Variants in UBR1 observed in about 807,000 individuals in gnomAD.
UBR1 encodes the protein ubiquitin protein ligase E3 component n-recognin 1.
UBR1 carries 102 observed loss-of-function variants against 242.1 expected under a neutral mutation model. The observed-to-expected ratio is 0.42, with a 90% confidence interval of 0.36 to 0.50. The LOEUF (loss-of-function observed/expected upper bound fraction) is 0.50. Ranked by LOEUF, UBR1 falls within the 20% of genes least tolerant of loss-of-function variation. The pLI, the probability that UBR1 is intolerant of heterozygous loss-of-function variation, is 0.01. For missense variants in UBR1, 1,772 were observed against 2,101.8 expected (o/e 0.84, Z 3.07); for synonymous variants, 675 against 684.8 (o/e 0.99, Z 0.22).
intron 15 of UBR1, among the ~76,000 whole-genome samples, chr15:43,038,876 A>G (rs112544153): frequency 1.3e-5 from 2 of 152,158 alleles, no homozygotes; most frequent in Non-Finnish European, 2.9e-5. Flanking sequence ...ACTTTTAACA[A>G]AAATTTTTAT....
At chr15:42,966,123 TC>T in intron 41 of UBR1, 29 bp downstream of exon 41, 1 of 1,614,050 alleles carries the variant, frequency 6.2e-7, no homozygotes, top group Non-Finnish European at 8.5e-7. Context: ...TCTCCCATTT[TC>T]CACTCCATGA....
chr15:43,102,059 G>C (rs944916954), intron 1 of UBR1, among the ~76,000 whole-genome samples: 2 of 148,812 alleles, frequency 1.3e-5, no homozygotes, highest in African/African-American at 4.9e-5. Flanking sequence ...AGAATCACTT[G>C]AACTTGGGAC....
At chr15:43,093,678 C>A (rs2034128380) in intron 1 of UBR1, among the ~76,000 whole-genome samples, 1 of 150,854 alleles carries the variant, frequency 6.6e-6, no homozygotes, top group African/African-American at 2.4e-5. Context: ...GGTACTCAGG[C>A]TGGGTACCTG....
At chr15:43,045,304 A>T (rs936847772) in intron 14 of UBR1, among the ~76,000 whole-genome samples, 2 of 152,114 alleles carry the variant, frequency 1.3e-5, no homozygotes, top group Non-Finnish European at 2.9e-5. Flanking sequence ...TGCAAAAAAT[A>T]AAAAAATTAA....
At chr15:43,064,569 T>A (rs1465900755) in intron 6 of UBR1, among the ~76,000 whole-genome samples, 3 of 151,036 alleles carry the variant, frequency 2.0e-5, no homozygotes, top group Non-Finnish European at 4.4e-5. Flanking sequence ...CTATTTCCTA[T>A]CTTACATCTT....
At chr15:43,023,141 G>A (rs1219388004) in intron 25 of UBR1, among the ~76,000 whole-genome samples, 1 of 152,140 alleles carries the variant, frequency 6.6e-6, no homozygotes, top group African/African-American at 2.4e-5. Context: ...CCAAAGTGCT[G>A]CAATTACAGG....
chr15:43,093,293 C>T (rs959621043), intron 1 of UBR1, among the ~76,000 whole-genome samples: 1 of 152,202 alleles, frequency 6.6e-6, no homozygotes, highest in Non-Finnish European at 1.5e-5. Flanking sequence ...CTTCCTTAAA[C>T]AACTGCTAGA....
intron 40 of UBR1, 145 bp downstream of exon 40, chr15:42,970,375 T>C: frequency 1.2e-6 from 1 of 841,342 alleles, no homozygotes; most frequent in South Asian, 1.6e-5. Context: ...ATGTAAGACC[T>C]AAACCATAAA....
At chr15:43,070,248 TAAAAAAAAA>T (rs746635905) in intron 5 of UBR1, among the ~76,000 whole-genome samples, 2 of 25,234 alleles carry the variant, frequency 7.9e-5, no homozygotes, top group African/African-American at 3.0e-4. Flanking sequence ...GAGTTCTAGC[TAAAAAAAAA>T]AAAAAAAAAA....
intron 1 of UBR1, among the ~76,000 whole-genome samples, chr15:43,099,969 A>G (rs1168781242): frequency 6.6e-6 from 1 of 151,390 alleles, no homozygotes; most frequent in Non-Finnish European, 1.5e-5. Flanking sequence ...TCCGCCTCCC[A>G]GGTTCACGCC....
chr15:43,075,047 T>G lies in UBR1; in HGVS notation c.460A>C (p.Thr154Pro), dbSNP rs778630364. 8 of 1,614,160 alleles carry G rather than the reference T, an allele frequency of 5.0e-6. No homozygotes were observed. The highest frequency in any genetic ancestry group is 5.9e-6 in the Non-Finnish European group (7 of 1,180,006). The change falls in exon 4 of 47, where the codon ACA (threonine) becomes CCA (proline). Residue 154 changes from threonine to proline, a missense_variant. Physicochemically the swap from Thr to Pro is conservative, Grantham distance 38. This residue lies in a region of UBR1 where 734 missense variants were observed against 893.3 expected (regional missense o/e 0.82). Transcript: ENST00000290650. ...AAAGGGCCAGTTTTCCATGCCTCTG[T>G]GTCTCCACAGTCACAGAACCCTCCT... ...TGGGFCDCGD[T>P]EAWKTGPFCV...
intron 42 of UBR1, among the ~76,000 whole-genome samples, chr15:42,961,486 C>T (rs529953782): frequency 8.1e-5 from 12 of 149,008 alleles, no homozygotes; most frequent in Non-Finnish European, 1.3e-4. Context: ...TGCAATGGCG[C>T]GATCTTGGCT....
At chr15:43,050,734 A>AAG (rs2033544879) in intron 12 of UBR1, among the ~76,000 whole-genome samples, 1 of 151,900 alleles carries the variant, frequency 6.6e-6, no homozygotes, top group African/African-American at 2.4e-5. Flanking sequence ...AAAAAAAAAA[A>AAG]AAAAAAAGCG....
In UBR1 at chr15:43,002,705, C is replaced by A. The variant is rs766468986; in HGVS notation, c.3510-1G>T. On this transcript the variant is annotated splice_acceptor_variant, in intron 31 of 46. Coordinates refer to ENST00000290650, the MANE Select transcript of UBR1 (RefSeq NM_174916.3). LOFTEE classifies it high-confidence loss of function. The stretch of plus-strand genomic sequence containing the variant: ...GCTCAGCTGTACAGCTTCAAAATAC[C>A]TGCAAAATTACAAAGACACAGGCCC... 6.2e-7 allele frequency: 1 copy of A among 1,614,046 alleles called. No individual in the cohort carries two copies. The highest frequency in any genetic ancestry group is 1.1e-5 in the South Asian group (1 of 91,082).
intron 1 of UBR1, among the ~76,000 whole-genome samples, chr15:43,092,517 C>A (rs1662149667): frequency 6.6e-6 from 1 of 152,064 alleles, no homozygotes; most frequent in African/African-American, 2.4e-5. Context: ...GAAAACAAAG[C>A]AAATTTTGAT....
intron 1 of UBR1, among the ~76,000 whole-genome samples, chr15:43,094,344 G>A (rs1265619577): frequency 2.6e-5 from 4 of 151,736 alleles, no homozygotes; most frequent in Non-Finnish European, 4.4e-5. Flanking sequence ...CAGGAGAATC[G>A]CTTGAACCTG....
chr15:43,099,597 A>C (rs534411540), intron 1 of UBR1, among the ~76,000 whole-genome samples: 5 of 152,306 alleles, frequency 3.3e-5, no homozygotes, highest in African/African-American at 1.2e-4. Flanking sequence ...AATAATGTTA[A>C]TATCTCTTAA....
At chr15:42,978,258 T>G (rs2032320486) in intron 37 of UBR1, among the ~76,000 whole-genome samples, 1 of 152,232 alleles carries the variant, frequency 6.6e-6, no homozygotes, top group African/African-American at 2.4e-5. Flanking sequence ...AGAGTTACTT[T>G]TATACAATGT....
intron 3 of UBR1, among the ~76,000 whole-genome samples, chr15:43,076,553 G>A (rs1336725295): frequency 6.7e-6 from 1 of 150,028 alleles, no homozygotes; most frequent in African/African-American, 2.5e-5. Context: ...CCTCTGCCCC[G>A]CCGCCCTGTC....
Sources: allele counts gnomAD v4.1 joint callset (sites outside exome capture counted in the v4.1 genomes callset), GRCh38; gene constraint gnomAD v4.1.1; regional missense constraint gnomAD v4.1.1; transcripts MANE v1.5; gene names NCBI Gene and HGNC (gene_info 2026-07-23, HGNC 2026-07-21).